SEL1L3: variants seen among roughly 807,000 people sequenced by gnomAD.
SEL1L3 encodes protein sel-1 homolog 3.
SEL1L3 carries 76 observed loss-of-function variants against 142.8 expected under a neutral mutation model. The ratio of observed to expected loss-of-function variants is 0.53; its 90% confidence interval spans 0.44 to 0.64. The LOEUF is 0.64. Ranked by LOEUF, SEL1L3 falls within the 30% of genes least tolerant of loss-of-function variation. The probability of loss-of-function intolerance (pLI) is 0.00; values close to 1 mark genes in which losing one functional copy is unlikely to be tolerated. For synonymous variants in SEL1L3, 504 were observed against 519.6 expected, an observed-to-expected ratio of 0.97 and a Z score of 0.41; for missense variants, 1,262 against 1,381.7, an observed-to-expected ratio of 0.91 and a Z score of 1.37.
chr4:25,789,021 G>A (rs1469830964), intron 12 of SEL1L3, among the ~76,000 whole-genome samples: 1 of 152,122 alleles, frequency 6.6e-6, no homozygotes, highest in Admixed American at 6.5e-5. Context: ...CCCAGGAAAT[G>A]GCTCTGGCAG....
upstream of SEL1L3, chr4:25,863,412 G>C (rs1420983813): frequency 4.4e-6 from 3 of 688,732 alleles, no homozygotes; most frequent in Admixed American, 4.1e-5. Flanking sequence ...CCTCGCTTCC[G>C]CATTCTTCCT....
In SEL1L3 at chr4:25,748,514, A is replaced by G; in HGVS notation, c.3310T>C (p.Ser1104Pro). The G allele has an allele frequency of 6.2e-7, 1 of 1,612,026 alleles. No individual in the cohort carries two copies. The highest frequency in any genetic ancestry group is 8.5e-7 in the Non-Finnish European group (1 of 1,179,234). The change falls in exon 24 of 24, where the codon TCC becomes CCC. Residue 1104 changes from serine (S) to proline (P), a missense_variant. Physicochemically the swap from Ser to Pro is moderately conservative, Grantham distance 74. Coordinates refer to ENST00000399878, the MANE Select transcript of SEL1L3 (RefSeq NM_015187.5). ...PSQASPDTAT[S>P]TASPAVTPAA... is the part of the protein sequence containing the mutation. ...GGAGTCACAGCTGGACTTGCAGTGGACGTGGCAGTGTCTGGGGAGGCCTGG... is the reference window on the plus strand; with the variant it reads ...GGAGTCACAGCTGGACTTGCAGTGGGCGTGGCAGTGTCTGGGGAGGCCTGG...
chr4:25,835,665 TG>T (rs1715772290), intron 2 of SEL1L3, among the ~76,000 whole-genome samples: 1 of 152,234 alleles, frequency 6.6e-6, no homozygotes. Flanking sequence ...TTTCACATCT[TG>T]CCCTCTGAAT....
downstream of SEL1L3, among the ~76,000 whole-genome samples, chr4:25,744,348 C>CTTTTTGTTTTTTTTTT: frequency 9.9e-6 from 1 of 101,426 alleles, no homozygotes; most frequent in Non-Finnish European, 1.9e-5. Context: ...ATGTGTGAGT[C>CTTTTTGTTTTTTTTTT]TTTTTTTTTT....
chr4:25,728,394 C>T, the SEL1L3 span, among the ~76,000 whole-genome samples: 1 of 152,122 alleles, frequency 6.6e-6, no homozygotes, highest in Non-Finnish European at 1.5e-5. Flanking sequence ...TCATGCTAAC[C>T]ACCTGGGCAC....
At position 25,833,448 on chromosome 4, in the gene SEL1L3, C is replaced by T; in HGVS notation, c.982G>A (p.Gly328Ser). 6.2e-7 allele frequency: 1 copy of T among 1,610,544 alleles called. No homozygotes were observed. The highest frequency in any genetic ancestry group is 1.1e-5 in the South Asian group (1 of 90,328). ...TTTAAAGGTTCTGTTTTATACTCAC[C>T]CTCTTCCGTAAGAAATACAGAAGGT... ...GTPSVFLTEE[G>S]YLHIQMHLVK... The change falls in exon 4 of 24, where the codon GGC (glycine) becomes AGC (serine). Residue 328 changes from glycine to serine, a missense_variant and splice_region_variant. Gly to Ser is a moderately conservative substitution (Grantham distance 56). Around this residue, in one of 3 missense-constraint regions of SEL1L3, gnomAD observed 689 missense variants for 692.8 expected, o/e 0.99. Coordinates refer to ENST00000399878, the MANE Select transcript of SEL1L3 (RefSeq NM_015187.5).
At chr4:25,756,980 T>C in intron 23 of SEL1L3, 1 of 1,205,338 alleles carries the variant, frequency 8.3e-7, no homozygotes, top group Non-Finnish European at 1.1e-6. Context: ...AAAGTCCTTA[T>C]TTTGAGGCTG....
chr4:25,837,363 T>G (rs888396617), intron 2 of SEL1L3, among the ~76,000 whole-genome samples: 1 of 145,424 alleles, frequency 6.9e-6, no homozygotes, highest in Non-Finnish European at 1.5e-5. Context: ...ACAAATGGGA[T>G]TCAATTCTGC....
chr4:25,765,295 A>C, intron 20 of SEL1L3, 31 bp downstream of exon 20: 260 of 1,454,630 alleles, frequency 1.8e-4, no homozygotes, highest in Non-Finnish European at 2.3e-4. Context: ...TGCCCGGCCA[A>C]GAGCTGGTTT....
Position 25,862,839 on chromosome 4 carries a change from C to G in SEL1L3, c.-3G>C. 2.7e-6 allele frequency: 3 copies of G among 1,111,890 alleles called. No individual in the cohort carries two copies. The highest frequency in any genetic ancestry group is 3.3e-6 in the Non-Finnish European group (3 of 912,648). 68.9% of individuals were successfully genotyped at this position (1,111,890 alleles called of 1,614,324 possible). On this transcript the variant is annotated 5_prime_UTR_variant, in exon 1 of 24. Transcript: ENST00000399878. ...AGCCCCGCGCCGCGCCGCTGCATGG[C>G]GAGGCCGCCCGGATCCGGGCCGGAA...
intron 4 of SEL1L3, 89 bp downstream of exon 4, chr4:25,833,359 A>G: frequency 7.8e-7 from 1 of 1,283,314 alleles, no homozygotes; most frequent in Non-Finnish European, 1.1e-6. Context: ...TGTTGACAGG[A>G]TCTTCCTTAT....
At chr4:25,756,311 T>A in intron 23 of SEL1L3, 1 of 985,356 alleles carries the variant, frequency 1.0e-6, no homozygotes, top group Non-Finnish European at 1.2e-6. Context: ...GTACCTACTA[T>A]GCATGAGTTA....
chr4:25,770,799 C>T (rs1374596975), intron 17 of SEL1L3, among the ~76,000 whole-genome samples: 1 of 151,428 alleles, frequency 6.6e-6, no homozygotes, highest in Non-Finnish European at 1.5e-5. Context: ...AAGAAATCCA[C>T]CTCTATTTTT....
chr4:25,733,023 G>C, the SEL1L3 span, among the ~76,000 whole-genome samples: 1 of 151,832 alleles, frequency 6.6e-6, no homozygotes, highest in Non-Finnish European at 1.5e-5. Flanking sequence ...TGGGATTACA[G>C]GCATGAGCCA....
At chr4:25,848,964 C>A (rs1489113556) in intron 1 of SEL1L3, among the ~76,000 whole-genome samples, 1 of 152,134 alleles carries the variant, frequency 6.6e-6, no homozygotes, top group African/African-American at 2.4e-5. Context: ...CATGGTGAAA[C>A]CCTGTCTTTA....
intron 2 of SEL1L3, among the ~76,000 whole-genome samples, chr4:25,843,280 G>T (rs1321315726): frequency 6.6e-6 from 1 of 151,570 alleles, no homozygotes; most frequent in Non-Finnish European, 1.5e-5. Context: ...TGCTGGTGGG[G>T]GGTGAGGAGG....
At chr4:25,717,405 C>T in the SEL1L3 span, among the ~76,000 whole-genome samples, 1 of 152,156 alleles carries the variant, frequency 6.6e-6, no homozygotes, top group Non-Finnish European at 1.5e-5. Context: ...GTGGCTCACG[C>T]CTGTAATCCC....
chr4:25,830,722 G>A (rs951623607), intron 5 of SEL1L3, among the ~76,000 whole-genome samples: 1 of 152,134 alleles, frequency 6.6e-6, no homozygotes. Flanking sequence ...CGACTCAAGG[G>A]GCCACTTACA....
At chr4:25,757,946 T>A in intron 21 of SEL1L3, 156 bp from the exon 22 acceptor site, 1 of 627,152 alleles carries the variant, frequency 1.6e-6, no homozygotes, top group Non-Finnish European at 2.9e-6. Context: ...ATAAAGCCAG[T>A]GGCCAAATAA....
Sources: gnomAD v4.1 joint callset for allele counts (sites outside exome capture counted in the v4.1 genomes callset) on GRCh38, gnomAD v4.1.1 for gene constraint, gnomAD v4.1.1 regional missense constraint, MANE v1.5 for transcripts, NCBI Gene and HGNC (gene_info 2026-07-23, HGNC 2026-07-21) for gene names.